UBE3D: variants seen among roughly 807,000 people sequenced by gnomAD.
UBE3D encodes the protein ubiquitin protein ligase E3D, also known as E3 ubiquitin-protein ligase E3D.
Under a neutral mutation model 49.6 loss-of-function variants are expected in UBE3D, and 48 were observed. The ratio of observed to expected loss-of-function variants is 0.97; its 90% CI spans 0.77 to 1.23. UBE3D has a LOEUF of 1.23. UBE3D is among the 50% of genes most tolerant of loss of function. The pLI, the probability that UBE3D is intolerant of heterozygous loss-of-function variation, is 0.00. For synonymous variants in UBE3D, 189 were observed against 174.2 expected (o/e 1.08, Z -0.67); for missense variants, 452 against 468.4 (o/e 0.96, Z 0.32).
intron 8 of UBE3D, among the ~76,000 whole-genome samples, chr6:83,008,989 C>A (rs1232983462): frequency 6.6e-6 from 1 of 152,048 alleles, no homozygotes; most frequent in Non-Finnish European, 1.5e-5. Flanking sequence ...TTTAAAAAAA[C>A]CTACTAATTG....
At chr6:82,976,837 G>A (rs540701977) in intron 8 of UBE3D, among the ~76,000 whole-genome samples, 8 of 152,148 alleles carry the variant, frequency 5.3e-5, no homozygotes, top group African/African-American at 1.2e-4. Flanking sequence ...AAGGTAGGCC[G>A]GGCACAGTGG....
At chr6:82,922,866 A>G (rs1773450000) in intron 9 of UBE3D, among the ~76,000 whole-genome samples, 1 of 152,220 alleles carries the variant, frequency 6.6e-6, no homozygotes, top group Admixed American at 6.5e-5. Flanking sequence ...AAACAAATTT[A>G]CAAGAAACAA....
chr6:83,039,630 T>C (rs547199290), intron 4 of UBE3D, among the ~76,000 whole-genome samples: 1 of 151,958 alleles, frequency 6.6e-6, no homozygotes, highest in African/African-American at 2.4e-5. Context: ...TGTGTTTTGT[T>C]TTTTTTTGTT....
intron 8 of UBE3D, among the ~76,000 whole-genome samples, chr6:82,974,905 T>C (rs1777609014): frequency 6.6e-6 from 1 of 152,154 alleles, no homozygotes; most frequent in African/African-American, 2.4e-5. Flanking sequence ...GAGGAAAGCT[T>C]ATAATTATCA....
intron 9 of UBE3D, among the ~76,000 whole-genome samples, chr6:82,942,754 G>A (rs148276098): frequency 6.6e-6 from 1 of 152,238 alleles, no homozygotes; most frequent in African/African-American, 2.4e-5. Flanking sequence ...GTATGGAAAT[G>A]CCTGGATGTC....
chr6:82,947,529 C>A (rs985781217), intron 9 of UBE3D, among the ~76,000 whole-genome samples: 4 of 147,954 alleles, frequency 2.7e-5, no homozygotes, highest in Non-Finnish European at 6.0e-5. Flanking sequence ...CTTTTCTTTT[C>A]TTTTTCTTGC....
chr6:83,031,613 T>A (rs1222359163), intron 5 of UBE3D, among the ~76,000 whole-genome samples: 1 of 152,230 alleles, frequency 6.6e-6, no homozygotes, highest in East Asian at 1.9e-4. Context: ...CAGTCAAGCC[T>A]GCTTGAATTT....
intron 8 of UBE3D, among the ~76,000 whole-genome samples, chr6:82,996,956 T>C (rs550307930): frequency 1.1e-4 from 17 of 152,322 alleles, no homozygotes; most frequent in African/African-American, 4.1e-4. Context: ...TTAATAGCAG[T>C]GCACCAATGT....
chr6:82,997,249 T>C (rs1472503195), intron 8 of UBE3D, among the ~76,000 whole-genome samples: 1 of 152,126 alleles, frequency 6.6e-6, no homozygotes, highest in African/African-American at 2.4e-5. Flanking sequence ...CACTGCAGAA[T>C]TGTATCAAAG....
chr6:82,887,389 G>GTTTTTGTTTTGTTTTTTTTTTTTTTTTT, the UBE3D span, among the ~76,000 whole-genome samples: 36 of 98,322 alleles, frequency 3.7e-4, 3 homozygotes, highest in African/African-American at 1.7e-3. Flanking sequence ...GACAGTAACA[G>GTTTTTGTTTTGTTTTTTTTTTTTTTTTT]TTTTTTTTTT....
intron 3 of UBE3D, among the ~76,000 whole-genome samples, chr6:83,047,457 A>G (rs924618438): frequency 6.6e-6 from 1 of 152,220 alleles, no homozygotes; most frequent in Non-Finnish European, 1.5e-5. Flanking sequence ...GAGCCAGGGC[A>G]GCTCCCGTAC....
At chr6:83,043,350 TTTAA>T (rs1486412243) in intron 4 of UBE3D, among the ~76,000 whole-genome samples, 5 of 151,834 alleles carry the variant, frequency 3.3e-5, no homozygotes, top group South Asian at 2.1e-4. Flanking sequence ...AAAATACAAA[TTTAA>T]TTAATCATAT....
At chr6:82,902,482 T>G (rs1771809444) in intron 9 of UBE3D, among the ~76,000 whole-genome samples, 1 of 152,112 alleles carries the variant, frequency 6.6e-6, no homozygotes, top group African/African-American at 2.4e-5. Context: ...CTCGGAAGAA[T>G]CTCTAGGGAA....
At chr6:82,993,124 G>GAGAGAGAGAGAGAGAGAC (rs1007030356) in intron 8 of UBE3D, among the ~76,000 whole-genome samples, 2 of 149,886 alleles carry the variant, frequency 1.3e-5, no homozygotes, top group Admixed American at 1.3e-4. Flanking sequence ...TCGGGGGGGA[G>GAGAGAGAGAGAGAGAGAC]AGAGAGAGAG....
At chr6:82,887,657 G>A (rs76276604), downstream of UBE3D, among the ~76,000 whole-genome samples, 48,346 of 149,978 alleles carry the variant, frequency 0.32, 9,097 homozygotes, top group African/African-American at 0.51. Context: ...TGCGGTGAGC[G>A]AAGATGGCGC....
At chr6:82,954,206 A>G (rs1184897575) in intron 9 of UBE3D, among the ~76,000 whole-genome samples, 4 of 152,218 alleles carry the variant, frequency 2.6e-5, no homozygotes, top group Non-Finnish European at 5.9e-5. Context: ...ATAAGGAATG[A>G]TAAGTCCATC....
At chr6:83,021,787 T>C (rs1164902502) in intron 7 of UBE3D, among the ~76,000 whole-genome samples, 1 of 151,760 alleles carries the variant, frequency 6.6e-6, no homozygotes, top group Non-Finnish European at 1.5e-5. Flanking sequence ...AAGAATGGCA[T>C]GAACCCAGGA....
At chr6:82,951,682 A>G (rs1775808631) in intron 9 of UBE3D, among the ~76,000 whole-genome samples, 1 of 152,172 alleles carries the variant, frequency 6.6e-6, no homozygotes, top group Admixed American at 6.5e-5. Context: ...GGGAACAGGT[A>G]CAGGGTGGGA....
chr6:82,948,915 A>G (rs1205335466), intron 9 of UBE3D, among the ~76,000 whole-genome samples: 1 of 152,108 alleles, frequency 6.6e-6, no homozygotes, highest in African/African-American at 2.4e-5. Context: ...AGCTAGTATC[A>G]TACTGAATGG....
Sources: allele counts gnomAD v4.1 joint callset (sites outside exome capture counted in the v4.1 genomes callset), GRCh38; gene constraint gnomAD v4.1.1; transcripts MANE v1.5; gene names NCBI Gene and HGNC (gene_info 2026-07-23, HGNC 2026-07-21).